Variants in CCDC192 observed in about 807,000 individuals in gnomAD.
CCDC192 encodes coiled-coil domain containing 192.
At position 127,732,833 on chromosome 5, in the gene CCDC192, G is replaced by A. The variant is rs924201553; in HGVS notation, c.115-21435G>A. Among the ~76,000 whole-genome samples, 24 of 152,140 alleles carry A rather than the reference G, an allele frequency of 1.6e-4. 1 individual carries two copies. Among genetic ancestry groups the A allele is most frequent in the African/African-American group, 4.8e-4 (20 of 41,428 alleles). On this transcript the variant is annotated intron_variant, in intron 2 of 6. Coordinates refer to ENST00000514853, the MANE Select transcript of CCDC192 (RefSeq NM_001317938.2). ...AGGGAGGGGAATAACACACACTGGG[G>A]CCTGCAAGGGTGAGGGTGGCAGGAG...
At chr5:127,755,924 A>AGATC (rs1361422937) in intron 3 of CCDC192, among the ~76,000 whole-genome samples, 1 of 152,048 alleles carries the variant, frequency 6.6e-6, no homozygotes, top group East Asian at 1.9e-4. Context: ...CGAGGTCAAG[A>AGATC]GATCGAGACC....
intron 5 of CCDC192, among the ~76,000 whole-genome samples, chr5:127,874,737 CA>C (rs1294924288): frequency 6.6e-6 from 1 of 152,140 alleles, no homozygotes; most frequent in African/African-American, 2.4e-5. Flanking sequence ...GGTAGCTATA[CA>C]AAAGCAACAC....
intron 5 of CCDC192, among the ~76,000 whole-genome samples, chr5:127,816,079 AT>A (rs1304876225): frequency 6.6e-6 from 1 of 152,194 alleles, no homozygotes; most frequent in Non-Finnish European, 1.5e-5. Context: ...AGATACATTA[AT>A]ATGTGTTAGA....
intron 6 of CCDC192, among the ~76,000 whole-genome samples, chr5:127,887,448 T>C (rs1473550365): frequency 6.6e-6 from 1 of 152,040 alleles, no homozygotes; most frequent in Non-Finnish European, 1.5e-5. Context: ...ATCCTCTAAG[T>C]TGACTCACAA....
intron 3 of CCDC192, among the ~76,000 whole-genome samples, chr5:127,774,793 G>A (rs758087429): frequency 6.6e-6 from 1 of 152,108 alleles, no homozygotes; most frequent in Non-Finnish European, 1.5e-5. Context: ...AAAAAAAGAA[G>A]CCATCATAAT....
chr5:127,730,526 G>A (rs2126815085), intron 2 of CCDC192, among the ~76,000 whole-genome samples: 1 of 152,196 alleles, frequency 6.6e-6, no homozygotes, highest in Middle Eastern at 3.4e-3. Flanking sequence ...ATTTTATGAG[G>A]CCAACATTAT....
intron 6 of CCDC192, among the ~76,000 whole-genome samples, chr5:127,911,175 A>T (rs962684482): frequency 4.6e-5 from 7 of 152,238 alleles, no homozygotes; most frequent in African/African-American, 1.7e-4. Context: ...CAATATGTGT[A>T]TGTATGTCAA....
chr5:127,820,185 T>C (rs1234110704), intron 5 of CCDC192, among the ~76,000 whole-genome samples: 2 of 152,246 alleles, frequency 1.3e-5, no homozygotes, highest in Non-Finnish European at 2.9e-5. Flanking sequence ...CATTTCTAAA[T>C]AGGTTATTCT....
intron 2 of CCDC192, among the ~76,000 whole-genome samples, chr5:127,712,109 CT>C (rs1286882517): frequency 6.6e-6 from 1 of 152,206 alleles, no homozygotes; most frequent in Admixed American, 6.5e-5. Flanking sequence ...AGAATGTACC[CT>C]TTTTTACTGC....
At chr5:127,749,017 A>T (rs1019372821) in intron 2 of CCDC192, among the ~76,000 whole-genome samples, 3 of 152,170 alleles carry the variant, frequency 2.0e-5, no homozygotes, top group Admixed American at 2.0e-4. Flanking sequence ...GGCTGAGACA[A>T]TGGGGTTCTC....
chr5:127,728,068 T>C (rs1442373700), intron 2 of CCDC192, among the ~76,000 whole-genome samples: 2 of 152,170 alleles, frequency 1.3e-5, no homozygotes, highest in Admixed American at 1.3e-4. Context: ...CTACAACTGA[T>C]TGGGGTACCT....
chr5:127,877,936 G>A (rs1356888535), intron 6 of CCDC192, among the ~76,000 whole-genome samples: 1 of 152,200 alleles, frequency 6.6e-6, no homozygotes, highest in African/African-American at 2.4e-5. Context: ...ACCGGCACAT[G>A]TAAACAAACC....
intron 5 of CCDC192, among the ~76,000 whole-genome samples, chr5:127,822,761 G>A (rs933242303): frequency 1.3e-5 from 2 of 152,150 alleles, no homozygotes; most frequent in African/African-American, 4.8e-5. Context: ...CAGGGCACAG[G>A]TCTCTGCAGT....
chr5:127,821,769 A>G (rs1037415138), intron 5 of CCDC192, among the ~76,000 whole-genome samples: 1 of 152,136 alleles, frequency 6.6e-6, no homozygotes, highest in Non-Finnish European at 1.5e-5. Flanking sequence ...GTAGGTGACT[A>G]TTTCTTCCAT....
In CCDC192 at chr5:127,802,288, A is replaced by G. The variant is rs530129301; in HGVS notation, c.411+4126A>G. Among the ~76,000 whole-genome samples the G allele has an allele frequency of 1.7e-4, 26 of 152,252 alleles. No individual in the cohort carries two copies. In the South Asian group the frequency reaches 5.0e-3, roughly 29 times the overall value. On this transcript the variant is annotated intron_variant, in intron 5 of 6. Transcript: ENST00000514853. ...ATTTTGCTGAATTGCATTGAATTTT[A>G]TTCTGATCATGTCATTTCCTTAGTT...
At chr5:127,724,117 GA>G (rs1267605774) in intron 2 of CCDC192, among the ~76,000 whole-genome samples, 1 of 152,112 alleles carries the variant, frequency 6.6e-6, no homozygotes, top group Admixed American at 6.5e-5. Flanking sequence ...TATCTCATAA[GA>G]AAATTTATCA....
At chr5:127,867,506 C>G (rs1453292862) in intron 5 of CCDC192, among the ~76,000 whole-genome samples, 1 of 152,110 alleles carries the variant, frequency 6.6e-6, no homozygotes, top group East Asian at 1.9e-4. Flanking sequence ...GATACTATAC[C>G]AACAACTGTA....
At chr5:127,851,102 G>A (rs1334138535) in intron 5 of CCDC192, among the ~76,000 whole-genome samples, 1 of 152,088 alleles carries the variant, frequency 6.6e-6, no homozygotes, top group African/African-American at 2.4e-5. Flanking sequence ...TGCAGGATTG[G>A]GTGCTTGTCC....
chr5:127,912,169 A>T (rs1369247338), intron 6 of CCDC192, among the ~76,000 whole-genome samples: 15 of 150,948 alleles, frequency 9.9e-5, no homozygotes, highest in Admixed American at 9.9e-4. Context: ...TGACCTCATG[A>T]TCCACCCATC....
Sources: gnomAD v4.1 joint callset for allele counts (sites outside exome capture counted in the v4.1 genomes callset) on GRCh38, gnomAD v4.1.1 for gene constraint, MANE v1.5 for transcripts, NCBI Gene and HGNC (gene_info 2026-07-23, HGNC 2026-07-21) for gene names.